SYNE2: variants seen among roughly 807,000 people sequenced by gnomAD.
SYNE2 encodes the protein spectrin repeat containing nuclear envelope protein 2.
Under a neutral mutation model 856.3 loss-of-function variants are expected in SYNE2, and 431 were observed. The ratio of observed to expected loss-of-function variants is 0.50; its 90% confidence interval spans 0.47 to 0.55. SYNE2 has a LOEUF of 0.55. Among genes scored for constraint, SYNE2 ranks in the 20% least tolerant of loss-of-function variants. The probability of loss-of-function intolerance (pLI) is 0.00; values close to 1 mark genes in which losing one functional copy is unlikely to be tolerated. For synonymous variants in SYNE2, 2,923 were observed against 2,872.3 expected, an observed-to-expected ratio of 1.02 and a Z score of -0.56; for missense variants, 8,129 against 8,023.2, an observed-to-expected ratio of 1.01 and a Z score of -0.50.
intron 111 of SYNE2, among the ~76,000 whole-genome samples, 195 bp downstream of exon 111, chr14:64,220,832 GTC>G (rs1177614845): frequency 6.6e-6 from 1 of 152,132 alleles, no homozygotes; most frequent in Admixed American, 6.5e-5. Context: ...CCCAGGTCTC[GTC>G]TCTGTTGCCC....
intron 67 of SYNE2, 111 bp downstream of exon 67, chr14:64,119,720 G>A (rs2097883643): frequency 3.6e-6 from 4 of 1,113,872 alleles, no homozygotes; most frequent in African/African-American, 3.2e-5. Flanking sequence ...ACTGTACTAA[G>A]TGTGAAAGAA....
intron 1 of SYNE2, among the ~76,000 whole-genome samples, chr14:63,803,147 C>G (rs919427040): frequency 6.6e-6 from 1 of 152,202 alleles, no homozygotes; most frequent in Non-Finnish European, 1.5e-5. Context: ...AATCCCTGCG[C>G]TAGATACTAA....
At chr14:63,788,215 G>A (rs138610712) in intron 1 of SYNE2, among the ~76,000 whole-genome samples, 257 of 152,282 alleles carry the variant, frequency 1.7e-3, no homozygotes, top group African/African-American at 4.5e-3. Flanking sequence ...GAAGAAACCC[G>A]CGAGCCTGCT....
intron 1 of SYNE2, among the ~76,000 whole-genome samples, chr14:63,776,193 T>C (rs569312856): frequency 6.6e-6 from 1 of 152,264 alleles, no homozygotes; most frequent in African/African-American, 2.4e-5. Flanking sequence ...CTTGCAACAA[T>C]CAGATAAATT....
upstream of SYNE2, among the ~76,000 whole-genome samples, chr14:63,852,280 G>A (rs977429850): frequency 9.2e-5 from 14 of 152,158 alleles, no homozygotes; most frequent in African/African-American, 3.1e-4. Context: ...GTAAGTGGGT[G>A]TCAAGTGGCA....
At chr14:63,845,100 G>A (rs180953155) in intron 1 of SYNE2, among the ~76,000 whole-genome samples, 2 of 152,072 alleles carry the variant, frequency 1.3e-5, no homozygotes, top group Admixed American at 1.3e-4. Flanking sequence ...TTGGCATATT[G>A]CAAGTTCCAT....
intron 28 of SYNE2, 73 bp downstream of exon 28, chr14:64,000,792 T>C: frequency 3.0e-6 from 4 of 1,327,442 alleles, no homozygotes; most frequent in Non-Finnish European, 4.3e-6. Context: ...TTAAGCAAGA[T>C]TCTTGCTATA....
intron 34 of SYNE2, among the ~76,000 whole-genome samples, chr14:64,018,458 G>A (rs887125508): frequency 2.0e-5 from 3 of 152,152 alleles, no homozygotes; most frequent in Non-Finnish European, 4.4e-5. Flanking sequence ...TGGCCAGACT[G>A]GTCTTGAGCT....
At position 64,021,445 on chromosome 14, in the gene SYNE2, T is replaced by C; in HGVS notation, c.5282T>C (p.Ile1761Thr). ...GATCTCGACCAAGCCAAGACCCAGA[T>C]CGGGATGACTGAATCCCTCTTAAAA... ...REDLDQAKTQIGMTESLLKAL... is the reference protein window; with the variant it reads ...REDLDQAKTQTGMTESLLKAL... The change falls in exon 36 of 116, where the codon ATC becomes ACC. Residue 1761 changes from isoleucine to threonine, a missense_variant. Physicochemically the swap from Ile to Thr is moderately conservative, Grantham distance 89. This residue lies in a region of SYNE2 where 2,422 missense variants were observed against 2,357.4 expected (regional missense o/e 1.03). Transcript: ENST00000555002. 6.2e-7 allele frequency: 1 copy of C among 1,614,132 alleles called. No homozygotes were observed. Among genetic ancestry groups the C allele is most frequent in the Non-Finnish European group, 8.5e-7 (1 of 1,180,020 alleles).
chr14:63,814,913 C>CATATATCTATCCATATATCTATCCAT (rs1888842431), intron 1 of SYNE2, among the ~76,000 whole-genome samples: 1 of 62,568 alleles, frequency 1.6e-5, no homozygotes, highest in Non-Finnish European at 3.6e-5. Context: ...CATATATATC[C>CATATATCTATCCATATATCTATCCAT]ATATATCTAT....
intron 1 of SYNE2, among the ~76,000 whole-genome samples, chr14:63,875,984 G>C (rs1243959068): frequency 6.6e-6 from 1 of 152,084 alleles, no homozygotes; most frequent in East Asian, 1.9e-4. Context: ...AGACCCCTCT[G>C]ATTGACTTGG....
intron 1 of SYNE2, among the ~76,000 whole-genome samples, chr14:63,774,282 A>G (rs1887026950): frequency 6.6e-6 from 1 of 152,054 alleles, no homozygotes; most frequent in Non-Finnish European, 1.5e-5. Context: ...CAGCCTGGCC[A>G]ACATGGTGAA....
intron 1 of SYNE2, among the ~76,000 whole-genome samples, chr14:63,895,002 C>T (rs746035201): frequency 3.3e-5 from 5 of 152,170 alleles, no homozygotes; most frequent in Non-Finnish European, 7.3e-5. Flanking sequence ...AATTAGGCCT[C>T]TTCCTAGAGC....
Position 64,053,223 on chromosome 14 carries a change from A to C in SYNE2, c.9310A>C (p.Lys3104Gln). The change falls in exon 48 of 116, where the codon AAA (lysine) becomes CAA (glutamine). Residue 3104 changes from lysine to glutamine, a missense_variant. By Grantham distance (53) the Lys-to-Gln change is moderately conservative. Transcript: ENST00000555002. ...AKCLCDEIIK[K>Q]LNENKTFDDS... The stretch of plus-strand genomic sequence containing the variant: ...GTGTTTATGTGATGAGATAATAAAG[A>C]AATTAAATGAAAATAAGACCTTTGA... 6.2e-7 allele frequency: 1 copy of C among 1,612,740 alleles called. No homozygotes were observed. The highest frequency in any genetic ancestry group is 1.1e-5 in the South Asian group (1 of 90,428).
At chr14:64,192,179 T>G (rs1460983766) in intron 99 of SYNE2, among the ~76,000 whole-genome samples, 1 of 152,192 alleles carries the variant, frequency 6.6e-6, no homozygotes, top group Non-Finnish European at 1.5e-5. Flanking sequence ...GAGCTTAGAA[T>G]AGCGCGTCAG....
At chr14:63,988,583 T>C (rs1430581298) in intron 19 of SYNE2, among the ~76,000 whole-genome samples, 1 of 152,226 alleles carries the variant, frequency 6.6e-6, no homozygotes, top group East Asian at 1.9e-4. Context: ...TATCACATAC[T>C]ATAACTTCTA....
chr14:64,080,841 A>T (rs1344368921), intron 56 of SYNE2, among the ~76,000 whole-genome samples: 3 of 152,196 alleles, frequency 2.0e-5, no homozygotes, highest in Non-Finnish European at 2.9e-5. Context: ...GGCAGACAGA[A>T]CCAAGAATCC....
intron 11 of SYNE2, among the ~76,000 whole-genome samples, chr14:63,974,250 T>A (rs2096509115): frequency 6.6e-6 from 1 of 152,174 alleles, no homozygotes; most frequent in African/African-American, 2.4e-5. Context: ...AAAAGAGGCT[T>A]ATTTGGCTCA....
chr14:64,063,800 A>T (rs1386991955), intron 50 of SYNE2, among the ~76,000 whole-genome samples: 1 of 152,222 alleles, frequency 6.6e-6, no homozygotes, highest in Non-Finnish European at 1.5e-5. Context: ...AAAATGTGAG[A>T]CTTAAAAATA....
Sources: allele counts gnomAD v4.1 joint callset (sites outside exome capture counted in the v4.1 genomes callset), GRCh38; gene constraint gnomAD v4.1.1; regional missense constraint gnomAD v4.1.1; transcripts MANE v1.5; gene names NCBI Gene and HGNC (gene_info 2026-07-23, HGNC 2026-07-21).